The following LAMC1 variants were observed in gnomAD, a reference collection of about 807,000 sequenced individuals.
LAMC1 encodes laminin subunit gamma-1.
Under a neutral mutation model 173.6 loss-of-function variants are expected in LAMC1, and 38 were observed. The observed-to-expected ratio is 0.22, with a 90% CI of 0.17 to 0.29. The LOEUF is 0.29. Among genes scored for constraint, LAMC1 ranks in the 10% least tolerant of loss-of-function variants. The pLI is 1.00. For missense variants in LAMC1, 1,824 were observed against 2,051.8 expected (o/e 0.89, Z 2.14); for synonymous variants, 746 against 749.1 (o/e 1.00, Z 0.07).
At chr1:183,140,360 G>T in intron 26 of LAMC1, 44 bp from the exon 27 acceptor site, 1 of 1,136,724 alleles carries the variant, frequency 8.8e-7, no homozygotes, top group Non-Finnish European at 1.2e-6. Flanking sequence ...TAAAGAAGAT[G>T]AAAACATACA....
intron 24 of LAMC1, among the ~76,000 whole-genome samples, chr1:183,135,616 C>T (rs903301143): frequency 2.0e-5 from 3 of 152,048 alleles, no homozygotes; most frequent in African/African-American, 7.3e-5. Flanking sequence ...ATGGGCCAGG[C>T]ACGGTGGCCT....
intron 1 of LAMC1, among the ~76,000 whole-genome samples, chr1:183,028,650 T>G (rs1025389233): frequency 6.6e-6 from 1 of 152,226 alleles, no homozygotes; most frequent in Non-Finnish European, 1.5e-5. Flanking sequence ...CGAAAGAAAG[T>G]CTACTTTATT....
intron 1 of LAMC1, among the ~76,000 whole-genome samples, chr1:183,048,927 A>G (rs16860009): frequency 0.048 from 7,233 of 152,240 alleles, 365 homozygotes; most frequent in African/African-American, 0.13. Context: ...TTCTTAGCCA[A>G]GTTGTTACCT....
At chr1:183,084,305 C>G (rs531668735) in intron 1 of LAMC1, among the ~76,000 whole-genome samples, 1 of 151,310 alleles carries the variant, frequency 6.6e-6, no homozygotes, top group African/African-American at 2.4e-5. Context: ...ATCGCGCCGC[C>G]GCACTCCAGC....
chr1:183,110,226 G>A (rs1571446061), intron 3 of LAMC1, among the ~76,000 whole-genome samples: 1 of 152,124 alleles, frequency 6.6e-6, no homozygotes, highest in African/African-American at 2.4e-5. Flanking sequence ...TTGACTTCAG[G>A]AATTGATCCT....
At chr1:183,139,060 C>T (rs1286874362) in intron 26 of LAMC1, among the ~76,000 whole-genome samples, 1 of 151,772 alleles carries the variant, frequency 6.6e-6, no homozygotes, top group Admixed American at 6.6e-5. Flanking sequence ...ACAAAAATTC[C>T]CATAAAAAAA....
Position 183,130,652 on chromosome 1 carries a change from A to G in LAMC1, c.3486+103A>G. ...GTGCTTCTTCAACTAAATTGACTCC[A>G]TGCATCTTTTTATTTGTCCCTAAAT... is the stretch of plus-strand genomic sequence containing the variant. On this transcript the variant is annotated intron_variant, in intron 19 of 27. Coordinates refer to ENST00000258341, the MANE Select transcript of LAMC1 (RefSeq NM_002293.4). 4 of 830,734 alleles carry G rather than the reference A, an allele frequency of 4.8e-6. No individual in the cohort carries two copies. The East Asian group carries it at 7.8e-5, about 16-fold the overall frequency. 51.5% of individuals were successfully genotyped at this position (830,734 alleles called of 1,614,324 possible).
chr1:183,135,727 A>T lies in LAMC1; in HGVS notation c.4114+571A>T, dbSNP rs536298276. 1.5e-3 allele frequency among the ~76,000 whole-genome samples: 233 copies of T among 150,618 alleles called. 2 individuals are homozygous for T. Among genetic ancestry groups the T allele is most frequent in the African/African-American group, 5.3e-3 (218 of 40,946 alleles). On this transcript the variant is annotated intron_variant, in intron 24 of 27. Transcript: ENST00000258341. Reference sequence around the variant, plus strand: ...TGAGACCCCATCTCTATAAAAAAAAATTTTTTTTTTAATTAGCCGGGCATG... The same window carrying T: ...TGAGACCCCATCTCTATAAAAAAAATTTTTTTTTTTAATTAGCCGGGCATG...
At chr1:183,129,917 A>T (rs1457324681) in intron 18 of LAMC1, among the ~76,000 whole-genome samples, 1 of 152,080 alleles carries the variant, frequency 6.6e-6, no homozygotes, top group African/African-American at 2.4e-5. Context: ...TATGTTTTAA[A>T]CCTAGTTTTT....
At chr1:183,035,793 G>A (rs139748328) in intron 1 of LAMC1, among the ~76,000 whole-genome samples, 60 of 152,230 alleles carry the variant, frequency 3.9e-4, no homozygotes, top group African/African-American at 1.4e-3. Flanking sequence ...GATGTTACCT[G>A]TAACCAGATA....
chr1:183,123,746 G>T (rs976947112), intron 13 of LAMC1, among the ~76,000 whole-genome samples: 2 of 152,136 alleles, frequency 1.3e-5, no homozygotes, highest in Admixed American at 6.5e-5. Context: ...TTCACCAACC[G>T]CTGCATACAC....
At chr1:183,048,844 C>G (rs1654335893) in intron 1 of LAMC1, among the ~76,000 whole-genome samples, 1 of 152,156 alleles carries the variant, frequency 6.6e-6, no homozygotes, top group African/African-American at 2.4e-5. Context: ...TATTCTCTCT[C>G]CCTTCCGCTC....
At chr1:183,064,406 A>C (rs1356686103) in intron 1 of LAMC1, among the ~76,000 whole-genome samples, 1 of 152,232 alleles carries the variant, frequency 6.6e-6, no homozygotes, top group Non-Finnish European at 1.5e-5. Context: ...ATTGTAACAC[A>C]TTGGTAAGTA....
At chr1:183,027,384 T>C (rs945490187) in intron 1 of LAMC1, among the ~76,000 whole-genome samples, 1 of 152,202 alleles carries the variant, frequency 6.6e-6, no homozygotes, top group East Asian at 1.9e-4. Context: ...TTATAAGTTA[T>C]AGTAAGTTTT....
chr1:183,058,626 TATGTAAATATTTTGTCTTTACTTATACTA>T (rs1268028164), intron 1 of LAMC1, among the ~76,000 whole-genome samples: 1 of 152,250 alleles, frequency 6.6e-6, no homozygotes, highest in Admixed American at 6.5e-5. Context: ...TATGTCTCAA[TATGTAAATATTTTGTCTTTACTTATACTA>T]ATGTTTCTTG....
At chr1:183,032,876 T>G (rs937363057) in intron 1 of LAMC1, among the ~76,000 whole-genome samples, 4 of 152,178 alleles carry the variant, frequency 2.6e-5, no homozygotes, top group African/African-American at 9.7e-5. Context: ...ATGACCAGTC[T>G]CTTTTTTTTC....
chr1:183,078,937 G>A (rs1206182792), intron 1 of LAMC1, among the ~76,000 whole-genome samples: 1 of 152,096 alleles, frequency 6.6e-6, no homozygotes, highest in Non-Finnish European at 1.5e-5. Flanking sequence ...AGAGTTTGTG[G>A]TGAGCCAAGA....
rs766083114 is a variant in LAMC1, at chr1:183,124,744, G to A, written c.2515G>A (p.Val839Ile). Residue 839 changes from valine (V) to isoleucine (I), a missense_variant, in exon 14 of 28, where the codon GTT becomes ATT. Val to Ile is a conservative substitution (Grantham distance 29). Transcript: ENST00000258341. ...QCSDNIDPNA[V>I]GNCNRLTGEC... ...CAGTGACAACATCGATCCCAATGCA[G>A]TTGGAAATTGCAATCGCTTGACGGG... 6.2e-6 allele frequency: 10 copies of A among 1,614,098 alleles called. No homozygotes were observed. The South Asian group carries it at 9.9e-5, about 16-fold the overall frequency.
At chr1:183,095,125 G>A (rs982171488) in intron 1 of LAMC1, among the ~76,000 whole-genome samples, 13 of 152,164 alleles carry the variant, frequency 8.5e-5, no homozygotes, top group African/African-American at 2.9e-4. Flanking sequence ...GACTACAGGT[G>A]TGAGCCACCG....
Sources: gnomAD v4.1 joint callset for allele counts (sites outside exome capture counted in the v4.1 genomes callset) on GRCh38, gnomAD v4.1.1 for gene constraint, MANE v1.5 for transcripts, NCBI Gene and HGNC (gene_info 2026-07-23, HGNC 2026-07-21) for gene names.